Variants in CACNA1D observed in about 807,000 individuals in gnomAD.
CACNA1D encodes voltage-dependent L-type calcium channel subunit alpha-1D.
In CACNA1D, 55 loss-of-function variants were observed where a neutral mutation model predicts 257.1. The observed-to-expected ratio is 0.21, with a 90% CI of 0.17 to 0.27. The LOEUF is 0.27. CACNA1D is among the 10% of genes least tolerant of loss of function. The probability of loss-of-function intolerance (pLI) is 1.00; values close to 1 mark genes in which losing one functional copy is unlikely to be tolerated. For missense variants in CACNA1D, 1,876 were observed against 2,784.0 expected (o/e 0.67, Z 7.34); for synonymous variants, 980 against 1,014.9 (o/e 0.97, Z 0.65).
intron 3 of CACNA1D, among the ~76,000 whole-genome samples, chr3:53,549,006 C>G (rs1225547611): frequency 6.6e-6 from 1 of 152,148 alleles, no homozygotes; most frequent in East Asian, 1.9e-4. Flanking sequence ...TGAGCAGTAA[C>G]AGAAGAGTTA....
rs2090303987 is a variant in CACNA1D at position 53,495,485 on chromosome 3, C to T, written c.67+252C>T. ...TGGAGTGTGTGGAGCGCGGTGCAGC[C>T]GGAGGGGCGGCGAGTCGGGGTGATT... On this transcript the variant is annotated intron_variant, in intron 1 of 47. Transcript: ENST00000350061. The surrounding 1 kb of genome is among the most constrained non-coding windows in gnomAD (Gnocchi z 5.1). 1.3e-5 allele frequency among the ~76,000 whole-genome samples: 2 copies of T among 151,276 alleles called. No homozygotes were observed. The highest frequency in any genetic ancestry group is 2.4e-5 in the African/African-American group (1 of 41,082).
At chr3:53,574,605 C>A (rs190758454) in intron 3 of CACNA1D, among the ~76,000 whole-genome samples, 1 of 152,290 alleles carries the variant, frequency 6.6e-6, no homozygotes, top group East Asian at 1.9e-4. Flanking sequence ...TCCATCCTTG[C>A]GAGCACTTCG....
At chr3:53,574,050 G>T (rs978872066) in intron 3 of CACNA1D, among the ~76,000 whole-genome samples, 18 of 152,170 alleles carry the variant, frequency 1.2e-4, no homozygotes, top group Non-Finnish European at 2.2e-4. Context: ...CCTTTCCATT[G>T]CACTGTGCTC....
chr3:53,544,885 G>A (rs2092379015), intron 3 of CACNA1D, among the ~76,000 whole-genome samples: 1 of 152,206 alleles, frequency 6.6e-6, no homozygotes, highest in Non-Finnish European at 1.5e-5. Flanking sequence ...GGGGCCACTG[G>A]AGCGTCTACC....
At chr3:53,805,239 G>A (rs1576729634) in intron 45 of CACNA1D, 93 bp downstream of exon 45, 4 of 1,239,172 alleles carry the variant, frequency 3.2e-6, no homozygotes, top group East Asian at 4.6e-5. Flanking sequence ...ATGGATGTGT[G>A]CTGCCAGGTC....
intron 19 of CACNA1D, 135 bp downstream of exon 19, chr3:53,733,097 A>G (rs2095015615): frequency 2.5e-6 from 2 of 791,194 alleles, no homozygotes; most frequent in Non-Finnish European, 4.2e-6. Context: ...TGGCGCCCTC[A>G]CCCAAGTCCC....
At chr3:53,535,857 T>C (rs2092100424) in intron 3 of CACNA1D, among the ~76,000 whole-genome samples, 1 of 152,204 alleles carries the variant, frequency 6.6e-6, no homozygotes, top group Admixed American at 6.5e-5. Context: ...ATTAAGTTTC[T>C]AGAGTCTTGA....
intron 19 of CACNA1D, among the ~76,000 whole-genome samples, chr3:53,733,784 G>A (rs1023888296): frequency 5.9e-5 from 9 of 151,778 alleles, no homozygotes; most frequent in Non-Finnish European, 2.9e-5. Flanking sequence ...GACACAGGTG[G>A]GAAGCAAGGC....
intron 3 of CACNA1D, among the ~76,000 whole-genome samples, chr3:53,645,970 C>G (rs2094015674): frequency 6.6e-6 from 1 of 152,380 alleles, no homozygotes. Context: ...GCTCCAAGCC[C>G]TGTGTTCCTT....
chr3:53,533,600 G>A (rs902482487), intron 3 of CACNA1D, among the ~76,000 whole-genome samples: 1 of 152,226 alleles, frequency 6.6e-6, no homozygotes, highest in African/African-American at 2.4e-5. Flanking sequence ...GGGATTCCCA[G>A]AGGGTGCAGG....
chr3:53,784,683 C>T (rs2095443377), intron 39 of CACNA1D, among the ~76,000 whole-genome samples: 2 of 152,134 alleles, frequency 1.3e-5, no homozygotes, highest in Admixed American at 1.3e-4. Context: ...AGACACAGAG[C>T]CCTGGAATAT....
chr3:53,546,983 C>A (rs941027656), intron 3 of CACNA1D, among the ~76,000 whole-genome samples: 1 of 152,100 alleles, frequency 6.6e-6, no homozygotes, highest in Admixed American at 6.5e-5. Flanking sequence ...TATATAGTAC[C>A]AAACATTGGC....
At chr3:53,682,601 T>C (rs957662724) in intron 8 of CACNA1D, among the ~76,000 whole-genome samples, 6 of 151,762 alleles carry the variant, frequency 4.0e-5, no homozygotes, top group African/African-American at 7.3e-5. Context: ...GTGTTAATTA[T>C]GGAATCTAGG....
intron 8 of CACNA1D, among the ~76,000 whole-genome samples, chr3:53,678,405 C>T (rs2094396364): frequency 6.6e-6 from 1 of 152,134 alleles, no homozygotes; most frequent in Non-Finnish European, 1.5e-5. Context: ...AATTCAAAAT[C>T]ATACCAATTA....
intron 3 of CACNA1D, among the ~76,000 whole-genome samples, chr3:53,569,385 C>T (rs1358854412): frequency 6.6e-6 from 1 of 152,208 alleles, no homozygotes; most frequent in African/African-American, 2.4e-5. Context: ...CAGGGGTTGT[C>T]ATCTCTGTGC....
At chr3:53,658,140 A>G (rs1010073054) in intron 4 of CACNA1D, among the ~76,000 whole-genome samples, 8 of 150,840 alleles carry the variant, frequency 5.3e-5, no homozygotes, top group African/African-American at 1.9e-4. Context: ...ATAACAATCT[A>G]GAGTCAGTTA....
chr3:53,761,422 G>C (rs1377046087), intron 29 of CACNA1D, among the ~76,000 whole-genome samples: 1 of 152,140 alleles, frequency 6.6e-6, no homozygotes, highest in African/African-American at 2.4e-5. Flanking sequence ...TTATCTACCC[G>C]TCTGTGTCGT....
chr3:53,538,527 A>G (rs2107505207), intron 3 of CACNA1D, among the ~76,000 whole-genome samples: 1 of 152,126 alleles, frequency 6.6e-6, no homozygotes, highest in Middle Eastern at 3.4e-3. Flanking sequence ...GGTTTTTGTA[A>G]TTTTTAAAAG....
chr3:53,757,160 C>T (rs1262722195), intron 29 of CACNA1D, among the ~76,000 whole-genome samples: 1 of 152,104 alleles, frequency 6.6e-6, no homozygotes, highest in Admixed American at 6.5e-5. Flanking sequence ...AAGAGTAGAG[C>T]TTCTTCATGA....
Sources: allele counts gnomAD v4.1 joint callset (sites outside exome capture counted in the v4.1 genomes callset), GRCh38; gene constraint gnomAD v4.1.1; non-coding constraint Gnocchi (gnomAD v3.1); transcripts MANE v1.5; gene names NCBI Gene and HGNC (gene_info 2026-07-23, HGNC 2026-07-21).